CCK: variants seen among roughly 807,000 people sequenced by gnomAD.
The protein encoded by CCK is cholecystokinin triacontatriapeptide.
In CCK, 11 loss-of-function variants were observed where a neutral mutation model predicts 10.1. The observed-to-expected ratio is 1.09, with a 90% CI of 0.69 to 1.81. CCK has a LOEUF of 1.81. Ranked by LOEUF, CCK falls within the 40% of genes most tolerant of loss-of-function variation. The pLI is 0.00. For missense variants in CCK, 137 were observed against 159.9 expected (o/e 0.86, Z 0.77); for synonymous variants, 83 against 71.9 (o/e 1.15, Z -0.78).
rs1416513189 is a variant in CCK, at chr3:42,265,726, C to T, written c.-425G>A. 1.3e-5 allele frequency: 2 copies of T among 152,290 alleles called. No homozygotes were observed. Among genetic ancestry groups the T allele is most frequent in the Non-Finnish European group, 2.9e-5 (2 of 68,156 alleles). The allele number at this position is 152,290 out of a possible 1,614,324, so 9.4% of individuals were successfully genotyped here. ...CGCAGCCTGGAGGTGAGGACCTCAC[C>T]CCTAGTCAGTCACCCGTCCGGTGGA... On this transcript the variant is annotated 5_prime_UTR_variant, in exon 1 of 5. Coordinates refer to ENST00000396169, the MANE Select transcript of CCK (RefSeq NM_000729.6).
chr3:42,261,277 CTCAAAATATGTAAAATAT>C (rs1322423378), intron 4 of CCK, among the ~76,000 whole-genome samples: 4 of 152,134 alleles, frequency 2.6e-5, no homozygotes, highest in African/African-American at 4.8e-5. Flanking sequence ...CTGATATGAT[CTCAAAATATGTAAAATAT>C]TCAAAATATG....
At chr3:42,261,193 T>C (rs906485391) in intron 4 of CCK, among the ~76,000 whole-genome samples, 1 of 152,214 alleles carries the variant, frequency 6.6e-6, no homozygotes, top group African/African-American at 2.4e-5. Context: ...GATAAACTCT[T>C]AAGTACTGCT....
Position 42,257,938 on chromosome 3 carries a change from G to A in CCK, c.*160C>T. On this transcript the variant is annotated 3_prime_UTR_variant, in exon 5 of 5. Transcript: ENST00000396169. ...TCTGGTGAGGTGTGTGGTTGCACTG[G>A]ACAATCTTACAGACACATTTTTCAC... 1.4e-6 allele frequency: 1 copy of A among 733,156 alleles called. No individual in the cohort carries two copies. The highest frequency in any genetic ancestry group is 2.3e-5 in the South Asian group (1 of 44,288). 45.4% of individuals were successfully genotyped at this position (733,156 alleles called of 1,614,324 possible).
chr3:42,265,486 T>C (rs1711274011), intron 1 of CCK, 49 bp from the exon 2 acceptor site: 1 of 152,154 alleles, frequency 6.6e-6, no homozygotes, highest in Non-Finnish European at 1.5e-5. Flanking sequence ...GGAATCCGGT[T>C]TGGGAAAGGG....
In CCK at chr3:42,258,041, T is replaced by C; in HGVS notation, c.*57A>G. On this transcript the variant is annotated 3_prime_UTR_variant, in exon 5 of 5. Coordinates refer to ENST00000396169, the MANE Select transcript of CCK (RefSeq NM_000729.6). Reference sequence around the variant, plus strand: ...GTTATGAGTGTGATTGTTTTCTTATTCTGCCTCCTCTGGGTTGGGAGGTTG... The same window carrying C: ...GTTATGAGTGTGATTGTTTTCTTATCCTGCCTCCTCTGGGTTGGGAGGTTG... 2 of 1,545,072 alleles carry C rather than the reference T, an allele frequency of 1.3e-6. No homozygotes were observed. Among genetic ancestry groups the C allele is most frequent in the Non-Finnish European group, 1.8e-6 (2 of 1,142,654 alleles).
Position 42,258,100 on chromosome 3 carries a change from A to C in CCK, c.346T>G (p.Ter116GluextTer27). 6 of 1,611,868 alleles carry C rather than the reference A, an allele frequency of 3.7e-6. No homozygotes were observed. The highest frequency in any genetic ancestry group is 5.1e-6 in the Non-Finnish European group (6 of 1,179,330). Residue 116 changes from the stop codon to glutamate (E), a stop_lost, in exon 5 of 5, where the codon TAG becomes GAG. Transcript: ENST00000396169. ...TGGGCTGATGGCGGCTGGGTCCTCT[A>C]GGAGGGGTACTCATACTCCTCGGCA... ...RSAEEYEYPS[*>E]
At chr3:42,259,304 A>G (rs186329953) in intron 4 of CCK, among the ~76,000 whole-genome samples, 35 of 152,286 alleles carry the variant, frequency 2.3e-4, no homozygotes, top group Admixed American at 1.8e-3. Flanking sequence ...TACCTATGTA[A>G]CAAACCTGCA....
chr3:42,263,572 G>T lies in CCK; in HGVS notation c.59C>A (p.Thr20Lys). ...GGGATCTGCGGGAGGCACCGGCTGC[G>T]TCAGGGCGCCAGCCGCCAGTACCGC... ...LMAVLAAGAL[T>K]QPVPPADPAG... The change falls in exon 4 of 5, where the codon ACG (threonine) becomes AAG (lysine). Residue 20 changes from threonine (T) to lysine (K), a missense_variant. Thr to Lys is a moderately conservative substitution (Grantham distance 78, BLOSUM62 -1). Transcript: ENST00000396169. The T allele has an allele frequency of 3.1e-6, 5 of 1,602,576 alleles. No individual in the cohort carries two copies. Among genetic ancestry groups the T allele is most frequent in the Admixed American group, 1.7e-5 (1 of 58,400 alleles).
intron 4 of CCK, among the ~76,000 whole-genome samples, chr3:42,258,555 G>T (rs1711170040): frequency 6.6e-6 from 1 of 152,154 alleles, no homozygotes; most frequent in African/African-American, 2.4e-5. Flanking sequence ...CCTACCGTTT[G>T]CTTTCTTTTG....
intron 2 of CCK, 162 bp from the exon 3 acceptor site, chr3:42,265,069 A>C (rs988000541): frequency 7.0e-6 from 1 of 142,282 alleles, no homozygotes; most frequent in Non-Finnish European, 1.5e-5. Flanking sequence ...TGGGAAACCT[A>C]GGAGTTTGGA....
intron 4 of CCK, among the ~76,000 whole-genome samples, chr3:42,262,621 A>AAAGC (rs1397028222): frequency 2.0e-5 from 3 of 152,148 alleles, no homozygotes; most frequent in Non-Finnish European, 4.4e-5. Flanking sequence ...TTGGCAGAAA[A>AAAGC]AAGCTGCCCC....
At position 42,257,917 on chromosome 3, in the gene CCK, G is replaced by C. The variant is rs978522703; in HGVS notation, c.*181C>G. ...TTTGTCTTCCATTTGCACAATTCTGGTGAGGTGTGTGGTTGCACTGGACAA... is the reference window on the plus strand; with the variant it reads ...TTTGTCTTCCATTTGCACAATTCTGCTGAGGTGTGTGGTTGCACTGGACAA... On this transcript the variant is annotated 3_prime_UTR_variant, in exon 5 of 5. Coordinates refer to ENST00000396169, the MANE Select transcript of CCK (RefSeq NM_000729.6). The C allele has an allele frequency of 5.2e-6, 3 of 578,514 alleles. No individual in the cohort carries two copies. The Admixed American group carries it at 1.1e-4, about 21-fold the overall frequency. 35.8% of individuals were successfully genotyped at this position (578,514 alleles called of 1,614,324 possible).
At chr3:42,259,051 A>G (rs1711176790) in intron 4 of CCK, among the ~76,000 whole-genome samples, 1 of 152,194 alleles carries the variant, frequency 6.6e-6, no homozygotes, top group African/African-American at 2.4e-5. Flanking sequence ...TGTCCTTTGC[A>G]GGGACATGGA....
chr3:42,264,636 GA>G (rs1171057465), intron 3 of CCK, 60 bp downstream of exon 3: 5 of 152,200 alleles, frequency 3.3e-5, no homozygotes, highest in African/African-American at 1.2e-4. Context: ...CAAAGCTGAA[GA>G]CAGCATCCTT....
At chr3:42,262,328 C>G (rs1263543109) in intron 4 of CCK, among the ~76,000 whole-genome samples, 1 of 149,152 alleles carries the variant, frequency 6.7e-6, no homozygotes, top group Non-Finnish European at 1.5e-5. Flanking sequence ...TCAAGCTACT[C>G]TCCTGCTTCA....
intron 4 of CCK, among the ~76,000 whole-genome samples, chr3:42,259,078 C>A (rs1344597804): frequency 6.6e-6 from 1 of 152,156 alleles, no homozygotes; most frequent in Non-Finnish European, 1.5e-5. Context: ...TGGAAACCAT[C>A]ATTCTCAGCA....
chr3:42,259,816 C>A (rs1711187792), intron 4 of CCK, among the ~76,000 whole-genome samples: 1 of 152,180 alleles, frequency 6.6e-6, no homozygotes, highest in South Asian at 2.1e-4. Context: ...TTCTCCTGTG[C>A]AAGCTCAGTC....
chr3:42,258,349 G>T (rs557725120), intron 4 of CCK, 118 bp from the exon 5 acceptor site: 50 of 1,097,718 alleles, frequency 4.6e-5, no homozygotes, highest in Non-Finnish European at 5.7e-5. Context: ...CCACCTTAAA[G>T]GTATCAAAGA....
In CCK at chr3:42,258,326, A is replaced by C. The variant is rs1711166979; in HGVS notation, c.215-95T>G. The C allele has an allele frequency of 1.5e-5, 20 of 1,357,734 alleles. No individual in the cohort carries two copies. In the South Asian group the frequency reaches 2.4e-4, roughly 17 times the overall value. The allele number at this position is 1,357,734 out of a possible 1,614,324, so 84.1% of individuals were successfully genotyped here. ...GAGAGCAATGGAAAAAGCCAGACGC[A>C]ATATAACAGACACCACCTTAAAGGT... On this transcript the variant is annotated intron_variant, in intron 4 of 4. Coordinates refer to ENST00000396169, the MANE Select transcript of CCK (RefSeq NM_000729.6).
Sources: gnomAD v4.1 joint callset for allele counts (sites outside exome capture counted in the v4.1 genomes callset) on GRCh38, gnomAD v4.1.1 for gene constraint, MANE v1.5 for transcripts, NCBI Gene and HGNC (gene_info 2026-07-23, HGNC 2026-07-21) for gene names.